Variants in C2orf78 observed in about 807,000 individuals in gnomAD.
C2orf78 encodes the protein chromosome 2 open reading frame 78.
Under a neutral mutation model 21.4 loss-of-function variants are expected in C2orf78, and 12 were observed. That is an observed-to-expected ratio of 0.56 (90% CI 0.36 to 0.91). The LOEUF (loss-of-function observed/expected upper bound fraction) is 0.91. Among genes scored for constraint, C2orf78 ranks in the 40% least tolerant of loss-of-function variants. The pLI is 0.01. For missense variants in C2orf78, 1,042 were observed against 1,092.4 expected (o/e 0.95, Z 0.65); for synonymous variants, 396 against 413.9 (o/e 0.96, Z 0.52).
At chr2:73,784,263 G>A (rs1475896625) in exon 1 of C2orf78, 3 of 1,487,080 alleles carry the variant, frequency 2.0e-6, no homozygotes. Flanking sequence ...TCATCACAAG[G>A]GGCCAGTGAC....
chr2:73,815,197 G>C, exon 3 of C2orf78: 1 of 1,613,958 alleles, frequency 6.2e-7, no homozygotes, highest in Non-Finnish European at 8.5e-7. Context: ...ACACTTGAGA[G>C]TAACCCATCA....
At chr2:73,816,490 C>G in exon 3 of C2orf78, 2 of 1,613,974 alleles carry the variant, frequency 1.2e-6, no homozygotes, top group Non-Finnish European at 1.7e-6. Context: ...CGACCTGATT[C>G]TACTAACTCA....
chr2:73,815,486 G>A (rs1274285368), exon 3 of C2orf78: 13 of 1,613,784 alleles, frequency 8.1e-6, no homozygotes, highest in African/African-American at 1.3e-5. Flanking sequence ...TAAGAAATAA[G>A]AGCCTGAGTC....
At chr2:73,810,405 T>C (rs1028903997) in intron 1 of C2orf78, among the ~76,000 whole-genome samples, 1 of 151,434 alleles carries the variant, frequency 6.6e-6, no homozygotes, top group Non-Finnish European at 1.5e-5. Context: ...CACATGCCTG[T>C]AATCCCAGCT....
rs932355222 is a variant in C2orf78, at chr2:73,816,258, C to T, written c.2035C>T (p.His679Tyr). The change falls in exon 3 of 3, where the codon CAT (histidine) becomes TAT (tyrosine). Residue 679 changes from histidine to tyrosine, a missense_variant. Physicochemically the swap from His to Tyr is moderately conservative, Grantham distance 83 (BLOSUM62 2). Around this residue, in one of 2 missense-constraint regions of C2orf78, gnomAD observed 1,039 missense variants for 1,069.7 expected, o/e 0.97. Coordinates refer to ENST00000409561, the Ensembl canonical transcript of C2orf78. ...TCTCAAACCATGGCTGGATATCCAA[C>T]ATGAGGGTAAAGGCCCGGAGAAAAT... The T allele has an allele frequency of 3.1e-6, 5 of 1,613,802 alleles. No individual in the cohort carries two copies. In the African/African-American group the frequency reaches 5.3e-5, roughly 17 times the overall value.
At chr2:73,810,382 C>T (rs1292055769) in intron 1 of C2orf78, among the ~76,000 whole-genome samples, 1 of 151,382 alleles carries the variant, frequency 6.6e-6, no homozygotes, top group Non-Finnish European at 1.5e-5. Context: ...ACAAAATTAG[C>T]CGGGCATGGT....
Position 73,807,983 on chromosome 2 carries a change from C to T in C2orf78, c.98-5494C>T, listed in dbSNP as rs1045981359. Among the ~76,000 whole-genome samples the T allele has an allele frequency of 7.9e-5, 12 of 151,060 alleles. 1 individual carries two copies. Among genetic ancestry groups the T allele is most frequent in the Admixed American group, 3.3e-4 (5 of 15,242 alleles). Reference sequence around the variant, plus strand: ...TTAAAATCGGCAGTAGGGCCGGGTGCGGTGGCTCCCGCCTGTAATCCCAGC... The same window carrying T: ...TTAAAATCGGCAGTAGGGCCGGGTGTGGTGGCTCCCGCCTGTAATCCCAGC... On this transcript the variant is annotated intron_variant, in intron 1 of 2. Transcript: ENST00000409561.
chr2:73,817,140 G>A, exon 3 of C2orf78: 1 of 848,128 alleles, frequency 1.2e-6, no homozygotes, highest in Non-Finnish European at 1.6e-6. Context: ...GAGGCCTTTT[G>A]AGTTTTGAGA....
At chr2:73,814,039 G>A (rs1435513245) in exon 2 of C2orf78, 2 of 1,613,952 alleles carry the variant, frequency 1.2e-6, no homozygotes, top group South Asian at 1.1e-5. Context: ...GCACACTGGG[G>A]CCTCAACTAT....
rs1673191756 is a variant in C2orf78 at position 73,816,146 on chromosome 2, G to GA, written c.1928dup (p.Ile644AspfsTer37). The GA allele has an allele frequency of 6.2e-7, 1 of 1,613,776 alleles. No individual in the cohort carries two copies. Among genetic ancestry groups the GA allele is most frequent in the Admixed American group, 1.7e-5 (1 of 59,990 alleles). The stretch of plus-strand genomic sequence containing the variant: ...CCGTGCAAGTTTTCCATGCACTCGG[G>GA]AAAAAGATCGATATGAAAACTGGAT... On this transcript the variant is annotated frameshift_variant, in exon 3 of 3. Transcript: ENST00000409561. LOFTEE classifies it low-confidence loss of function (END_TRUNC).
At chr2:73,813,894 A>G (rs1229923995) in exon 2 of C2orf78, 1 of 1,614,012 alleles carries the variant, frequency 6.2e-7, no homozygotes, top group East Asian at 2.2e-5. Flanking sequence ...TCAGATACCA[A>G]TACTATGGTC....
At chr2:73,813,309 T>C (rs1211326607) in intron 1 of C2orf78, among the ~76,000 whole-genome samples, 168 bp from the exon 2 acceptor site, 1 of 152,238 alleles carries the variant, frequency 6.6e-6, no homozygotes, top group Non-Finnish European at 1.5e-5. Context: ...AGGACCAAAC[T>C]GCTTCAGCAC....
rs1673066306 is a variant in C2orf78 at position 73,810,673 on chromosome 2, T to C, written c.98-2804T>C. ...GTATATATCTATAATATATATAATATAATAAAATATACATATATATTTTAT... is the reference window on the plus strand; with the variant it reads ...GTATATATCTATAATATATATAATACAATAAAATATACATATATATTTTAT... On this transcript the variant is annotated intron_variant, in intron 1 of 2. Transcript: ENST00000409561. Among the ~76,000 whole-genome samples, 2 of 132,864 alleles carry C rather than the reference T, an allele frequency of 1.5e-5. 1 individual carries two copies. 87.2% of individuals were successfully genotyped at this position (132,864 alleles called of 152,430 possible).
chr2:73,812,608 C>G (rs1007233176), intron 1 of C2orf78, among the ~76,000 whole-genome samples: 3 of 152,036 alleles, frequency 2.0e-5, no homozygotes, highest in African/African-American at 7.2e-5. Flanking sequence ...TGAGACCAGC[C>G]TGGTAAACAT....
At chr2:73,814,430 T>C (rs946065810) in intron 2 of C2orf78, among the ~76,000 whole-genome samples, 5 of 152,234 alleles carry the variant, frequency 3.3e-5, no homozygotes, top group African/African-American at 1.2e-4. Flanking sequence ...TGGCCATCTA[T>C]GCTACATGTA....
At chr2:73,812,286 C>G (rs897760630) in intron 1 of C2orf78, among the ~76,000 whole-genome samples, 4 of 152,094 alleles carry the variant, frequency 2.6e-5, no homozygotes, top group African/African-American at 9.7e-5. Context: ...TAGCTACATA[C>G]CCCAATTTTC....
intron 1 of C2orf78, among the ~76,000 whole-genome samples, chr2:73,810,576 T>G (rs940422562): frequency 7.1e-6 from 1 of 141,110 alleles, no homozygotes; most frequent in Non-Finnish European, 1.5e-5. Context: ...ATGTATATTT[T>G]ATGTATATTA....
At chr2:73,815,047 A>C (rs1174512423) in intron 2 of C2orf78, 24 bp from the exon 3 acceptor site, 1 of 1,586,042 alleles carries the variant, frequency 6.3e-7, no homozygotes, top group Non-Finnish European at 8.6e-7. Flanking sequence ...CCAGGGACTG[A>C]CTTCTTCCTT....
At chr2:73,786,240 T>A (rs1672930984) in intron 1 of C2orf78, among the ~76,000 whole-genome samples, 1 of 151,382 alleles carries the variant, frequency 6.6e-6, no homozygotes. Context: ...ATTAGCTGGG[T>A]GTGGTGGCGT....
Sources: allele counts gnomAD v4.1 joint callset (sites outside exome capture counted in the v4.1 genomes callset), GRCh38; gene constraint gnomAD v4.1.1; regional missense constraint gnomAD v4.1.1; transcripts MANE v1.5; gene names NCBI Gene and HGNC (gene_info 2026-07-23, HGNC 2026-07-21).